ZNF438: variants seen among roughly 807,000 people sequenced by gnomAD.
ZNF438 encodes zinc finger protein 438.
In ZNF438, 25 loss-of-function variants were observed where a neutral mutation model predicts 38.0. The observed-to-expected ratio is 0.66, with a 90% CI of 0.48 to 0.92. The LOEUF (loss-of-function observed/expected upper bound fraction) is 0.92. ZNF438 is among the 40% of genes least tolerant of loss of function. The probability of loss-of-function intolerance (pLI) is 0.00; values close to 1 mark genes in which losing one functional copy is unlikely to be tolerated. For synonymous variants in ZNF438, 372 were observed against 364.1 expected, an observed-to-expected ratio of 1.02 and a Z score of -0.25; for missense variants, 1,007 against 999.6, an observed-to-expected ratio of 1.01 and a Z score of -0.10.
chr10:30,926,997 T>A (rs768687877), intron 2 of ZNF438, among the ~76,000 whole-genome samples: 1 of 152,094 alleles, frequency 6.6e-6, no homozygotes, highest in Non-Finnish European at 1.5e-5. Context: ...AACAAAGAAA[T>A]ATATTAGACT....
chr10:30,856,181 G>C (rs1425294222), intron 4 of ZNF438, among the ~76,000 whole-genome samples: 4 of 152,154 alleles, frequency 2.6e-5, no homozygotes, highest in African/African-American at 9.7e-5. Flanking sequence ...AACGATCAGG[G>C]AAGTAATCTA....
chr10:30,891,992 T>C (rs1326887285), intron 3 of ZNF438, among the ~76,000 whole-genome samples: 1 of 152,212 alleles, frequency 6.6e-6, no homozygotes, highest in Non-Finnish European at 1.5e-5. Flanking sequence ...TAACTGATAC[T>C]TAGCAGCAAA....
At chr10:30,998,723 G>T (rs186131910) in intron 1 of ZNF438, among the ~76,000 whole-genome samples, 176 of 152,042 alleles carry the variant, frequency 1.2e-3, no homozygotes, top group African/African-American at 3.7e-3. Context: ...GACTTCAATA[G>T]TGAAAACACA....
intron 1 of ZNF438, among the ~76,000 whole-genome samples, chr10:30,974,499 C>A (rs2051118659): frequency 6.6e-6 from 1 of 152,132 alleles, no homozygotes; most frequent in South Asian, 2.1e-4. Flanking sequence ...CAAGCAACAA[C>A]AACAACAAAC....
intron 1 of ZNF438, among the ~76,000 whole-genome samples, chr10:30,983,939 A>G (rs2052496394): frequency 6.6e-6 from 1 of 152,178 alleles, no homozygotes; most frequent in Non-Finnish European, 1.5e-5. Context: ...TGTCAAAACT[A>G]AGAAATTAAC....
At chr10:31,022,260 C>CTTTTTTTTTTTTTT (rs57644959) in intron 1 of ZNF438, among the ~76,000 whole-genome samples, 2 of 149,144 alleles carry the variant, frequency 1.3e-5, no homozygotes, top group Non-Finnish European at 3.0e-5. Context: ...AGCTTTCTTC[C>CTTTTTTTTTTTTTT]TTTTTTTTTT....
chr10:30,981,970 T>C (rs2052215766), intron 1 of ZNF438, among the ~76,000 whole-genome samples: 1 of 152,108 alleles, frequency 6.6e-6, no homozygotes, highest in Non-Finnish European at 1.5e-5. Context: ...AGCATGTCCC[T>C]AAAAACAATA....
intron 1 of ZNF438, among the ~76,000 whole-genome samples, chr10:31,011,917 T>C (rs558896386): frequency 6.6e-6 from 1 of 152,268 alleles, no homozygotes; most frequent in South Asian, 2.1e-4. Context: ...CCCTAATTTA[T>C]TACCACTGTC....
chr10:30,884,068 A>G (rs933239843), intron 3 of ZNF438, among the ~76,000 whole-genome samples: 3 of 152,212 alleles, frequency 2.0e-5, no homozygotes, highest in African/African-American at 7.2e-5. Flanking sequence ...ATGAATAAAT[A>G]CTGCTTTTGC....
intron 4 of ZNF438, among the ~76,000 whole-genome samples, chr10:30,856,786 A>C (rs183624416): frequency 2.1e-3 from 317 of 152,334 alleles, no homozygotes; most frequent in Non-Finnish European, 2.8e-3. Context: ...ATTGTGTACA[A>C]TTATTCAACA....
chr10:31,009,414 G>C (rs536357574), intron 1 of ZNF438, among the ~76,000 whole-genome samples: 3 of 152,284 alleles, frequency 2.0e-5, no homozygotes, highest in Non-Finnish European at 4.4e-5. Flanking sequence ...AGGCTGCCTT[G>C]TTCAACTCAA....
chr10:31,005,866 T>C (rs973930902), intron 1 of ZNF438, among the ~76,000 whole-genome samples: 26 of 152,240 alleles, frequency 1.7e-4, no homozygotes, highest in African/African-American at 6.0e-4. Flanking sequence ...TTGTGAAAGA[T>C]ATGCATATAT....
chr10:30,882,579 T>C (rs1012820572), intron 3 of ZNF438, among the ~76,000 whole-genome samples: 5 of 152,194 alleles, frequency 3.3e-5, no homozygotes, highest in East Asian at 1.9e-4. Flanking sequence ...CGAAAGAAGA[T>C]AGACATTAAA....
chr10:30,946,924 A>G (rs916389919), intron 1 of ZNF438, among the ~76,000 whole-genome samples: 4 of 152,194 alleles, frequency 2.6e-5, no homozygotes, highest in Non-Finnish European at 2.9e-5. Context: ...TAAAATATGC[A>G]CATTTAACCT....
chr10:31,019,603 C>G (rs1328344896), intron 1 of ZNF438, among the ~76,000 whole-genome samples: 2 of 151,772 alleles, frequency 1.3e-5, no homozygotes, highest in Non-Finnish European at 2.9e-5. Flanking sequence ...AAACAACAAC[C>G]AAAAGATAGA....
chr10:30,881,730 A>G (rs1369717033), intron 3 of ZNF438, among the ~76,000 whole-genome samples: 3 of 152,156 alleles, frequency 2.0e-5, no homozygotes, highest in Non-Finnish European at 4.4e-5. Flanking sequence ...GTTTCAAGAA[A>G]GAGATATATA....
intron 1 of ZNF438, among the ~76,000 whole-genome samples, chr10:30,968,632 G>C (rs988417851): frequency 6.6e-6 from 1 of 151,500 alleles, no homozygotes; most frequent in Non-Finnish European, 1.5e-5. Context: ...TAGTAGAGAT[G>C]GGGTTTCTCC....
At chr10:30,941,476 G>A (rs2046814866) in intron 2 of ZNF438, 99 bp downstream of exon 3, 1 of 152,158 alleles carries the variant, frequency 6.6e-6, no homozygotes, top group African/African-American at 2.4e-5. Context: ...AAGATATGCT[G>A]AGAAATTTGA....
intron 3 of ZNF438, among the ~76,000 whole-genome samples, chr10:30,893,721 A>C (rs2040991375): frequency 6.6e-6 from 1 of 152,148 alleles, no homozygotes; most frequent in Non-Finnish European, 1.5e-5. Context: ...TGTCCATACT[A>C]AGTGGTTTAT....
Sources: allele counts gnomAD v4.1 joint callset (sites outside exome capture counted in the v4.1 genomes callset), GRCh38; gene constraint gnomAD v4.1.1; transcripts MANE v1.5; gene names NCBI Gene and HGNC (gene_info 2026-07-23, HGNC 2026-07-21).